Variants in GGA1 observed in about 807,000 individuals in gnomAD.
GGA1 encodes the protein golgi associated, gamma adaptin ear containing, ARF binding protein 1, also known as ADP-ribosylation factor-binding protein GGA1.
Under a neutral mutation model 76.9 loss-of-function variants are expected in GGA1, and 18 were observed. That is an observed-to-expected ratio of 0.23 (90% confidence interval 0.16 to 0.35). The LOEUF (loss-of-function observed/expected upper bound fraction) is 0.35. Among genes scored for constraint, GGA1 ranks in the 10% least tolerant of loss-of-function variants. GGA1 has a pLI of 1.00. For missense variants in GGA1, 755 were observed against 859.0 expected (o/e 0.88, Z 1.51); for synonymous variants, 342 against 354.7 (o/e 0.96, Z 0.40).
At chr22:37,622,687 A>C (rs901214074) in intron 7 of GGA1, among the ~76,000 whole-genome samples, 6 of 152,222 alleles carry the variant, frequency 3.9e-5, no homozygotes, top group African/African-American at 1.4e-4. Context: ...GTGCTGAAAA[A>C]AAAGTTTCAA....
Position 37,633,021 on chromosome 22 carries a change from T to G in GGA1, c.*310T>G, listed in dbSNP as rs2146021185. On this transcript the variant is annotated 3_prime_UTR_variant, in exon 17 of 17. Coordinates refer to ENST00000343632, the MANE Select transcript of GGA1 (RefSeq NM_013365.5). ...GGGTCATGGGGAGGAAGCACAGCTG[T>G]TGGGGAAGGGCCAGGACCTCAGGCC... 2 of 363,016 alleles carry G rather than the reference T, an allele frequency of 5.5e-6. No individual in the cohort carries two copies. Among genetic ancestry groups the G allele is most frequent in the East Asian group, 1.1e-4 (2 of 18,724 alleles). 22.5% of individuals were successfully genotyped at this position (363,016 alleles called of 1,614,324 possible). A position where few individuals can be genotyped will look rare whatever the true frequency, so the allele number is the denominator to read the frequency against.
chr22:37,622,320 A>G (rs566652467), intron 7 of GGA1, among the ~76,000 whole-genome samples: 197 of 151,312 alleles, frequency 1.3e-3, no homozygotes, highest in African/African-American at 4.5e-3. Context: ...GGCTCAAGCA[A>G]TCTGCCTGCC....
rs900788421 is a variant in GGA1 at position 37,632,776 on chromosome 22, T to C, written c.*65T>C. ...TCACTGTCCAGCCTGGAGGGAGGCA[T>C]TGGTGGCCAAGGACACCCTTTGTTG... On this transcript the variant is annotated 3_prime_UTR_variant, in exon 17 of 17. Coordinates refer to ENST00000343632, the MANE Select transcript of GGA1 (RefSeq NM_013365.5). This position sits in a 1 kb window ranked among gnomAD's most constrained non-coding sequence, Gnocchi z 5.1. 2.0e-6 allele frequency: 2 copies of C among 996,504 alleles called. No homozygotes were observed. The highest frequency in any genetic ancestry group is 1.6e-5 in the African/African-American group (1 of 62,354). The allele number at this position is 996,504 out of a possible 1,614,324, so 61.7% of individuals were successfully genotyped here.
chr22:37,617,672 C>G (rs536601732), intron 3 of GGA1: 156 of 624,082 alleles, frequency 2.5e-4, no homozygotes, highest in Non-Finnish European at 3.0e-4. Flanking sequence ...GTACTCCAGA[C>G]TGGACAACAG....
At chr22:37,620,150 TG>T in intron 4 of GGA1, 87 bp from the exon 5 acceptor site, 1 of 1,487,672 alleles carries the variant, frequency 6.7e-7, no homozygotes, top group Non-Finnish European at 9.4e-7. Context: ...CGGGGAGTCC[TG>T]GGGAGGCAGT....
At chr22:37,629,772 A>G (rs1262923510) in intron 12 of GGA1, among the ~76,000 whole-genome samples, 1 of 152,198 alleles carries the variant, frequency 6.6e-6, no homozygotes, top group African/African-American at 2.4e-5. Context: ...TGAGATGGGC[A>G]ATCCCTCTTC....
intron 12 of GGA1, 40 bp downstream of exon 12, chr22:37,629,566 C>A: frequency 3.1e-6 from 4 of 1,305,980 alleles, no homozygotes; most frequent in Non-Finnish European, 4.3e-6. Context: ...TGTCCCAGTC[C>A]CAGGGTCAGG....
At chr22:37,615,342 G>A (rs1025724675) in intron 2 of GGA1, among the ~76,000 whole-genome samples, 2 of 151,594 alleles carry the variant, frequency 1.3e-5, no homozygotes, top group East Asian at 2.0e-4. Flanking sequence ...CCAGCTACTC[G>A]GGAGGCTGAG....
At position 37,625,969 on chromosome 22, in the gene GGA1, T is replaced by G; in HGVS notation, c.1093+20T>G. On this transcript the variant is annotated intron_variant, in intron 11 of 16. Coordinates refer to ENST00000343632, the MANE Select transcript of GGA1 (RefSeq NM_013365.5). The surrounding 1 kb of genome is among the most constrained non-coding windows in gnomAD (Gnocchi z 4.1). ...CTCTGGGTGAGGAAGGGGCCAGGCC[T>G]GGAGGAGGGCGGGCTCAGCAGCAGA... 6.4e-7 allele frequency: 1 copy of G among 1,559,330 alleles called. No individual in the cohort carries two copies. Among genetic ancestry groups the G allele is most frequent in the African/African-American group, 1.3e-5 (1 of 74,188 alleles).
intron 1 of GGA1, chr22:37,609,432 C>T: frequency 1.6e-6 from 1 of 630,110 alleles, no homozygotes; most frequent in Non-Finnish European, 2.1e-6. Flanking sequence ...TCCCGCCGCT[C>T]CTAGTCTCTA....
chr22:37,614,616 T>C (rs1003732036), intron 2 of GGA1, among the ~76,000 whole-genome samples: 1 of 152,222 alleles, frequency 6.6e-6, no homozygotes, highest in African/African-American at 2.4e-5. Flanking sequence ...GAACTGCATG[T>C]TCCCCAATTG....
In GGA1 at chr22:37,632,164, A is replaced by G; in HGVS notation, c.1697A>G (p.Lys566Arg). Residue 566 changes from lysine (K) to arginine (R), a missense_variant and splice_region_variant, in exon 15 of 17, where the codon AAG becomes AGG. By Grantham distance (26) the Lys-to-Arg change is conservative (BLOSUM62 2). Coordinates refer to ENST00000343632, the MANE Select transcript of GGA1 (RefSeq NM_013365.5). The surrounding 1 kb of genome is among the most constrained non-coding windows in gnomAD (Gnocchi z 5.1). ...RNIVFQSAVPKVMKVKLQPPS... is the reference protein window; with the variant it reads ...RNIVFQSAVPRVMKVKLQPPS... ...ATCGTGTTCCAGTCAGCTGTCCCCA[A>G]GGTGACAAGCCAGTCGGACAGGGCA... 2 of 1,608,394 alleles carry G rather than the reference A, an allele frequency of 1.2e-6. No individual in the cohort carries two copies. The highest frequency in any genetic ancestry group is 1.3e-5 in the African/African-American group (1 of 74,984).
chr22:37,609,368 C>T lies in GGA1; in HGVS notation c.43+465C>T, dbSNP rs1052032772. On this transcript the variant is annotated intron_variant, in intron 1 of 16. Transcript: ENST00000343632. ...CGTTCCTGGAGCCCGCAAGTAGTCA[C>T]ATTTGCTCATTACCCCGTCCTGGAA... The T allele has an allele frequency of 3.7e-6, 4 of 1,082,194 alleles. No individual in the cohort carries two copies. In the African/African-American group the frequency reaches 5.2e-5, roughly 14 times the overall value. The allele number at this position is 1,082,194 out of a possible 1,614,324, so 67.0% of individuals were successfully genotyped here.
chr22:37,619,372 C>T lies in GGA1; in HGVS notation c.303+826C>T, dbSNP rs574369328. 3.1e-3 allele frequency among the ~76,000 whole-genome samples: 453 copies of T among 146,970 alleles called. 3 individuals are homozygous for T. Among genetic ancestry groups the T allele is most frequent in the Non-Finnish European group, 4.8e-3 (325 of 67,136 alleles). ...GAGCCACCATGCCCGGCCTACCTAC[C>T]GTGAACATTTTTTTTTTTTTTTTGA... On this transcript the variant is annotated intron_variant, in intron 4 of 16. Coordinates refer to ENST00000343632, the MANE Select transcript of GGA1 (RefSeq NM_013365.5).
In GGA1 at chr22:37,624,870, C is replaced by G; in HGVS notation, c.833-99C>G. 2 of 1,481,394 alleles carry G rather than the reference C, an allele frequency of 1.4e-6. No homozygotes were observed. Among genetic ancestry groups the G allele is most frequent in the Admixed American group, 4.2e-5 (2 of 47,538 alleles). The allele number at this position is 1,481,394 out of a possible 1,614,324, so 91.8% of individuals were successfully genotyped here. A position where few individuals can be genotyped will look rare whatever the true frequency, so the allele number is the denominator to read the frequency against. On this transcript the variant is annotated intron_variant, in intron 9 of 16. Coordinates refer to ENST00000343632, the MANE Select transcript of GGA1 (RefSeq NM_013365.5). The surrounding 1 kb of genome is among the most constrained non-coding windows in gnomAD (Gnocchi z 4.3). ...TGTTTCCCTGCCCCTTTCCCTTCCC[C>G]TCACACACAGGCTGTGATGGATGTG...
At chr22:37,631,925 G>A in intron 14 of GGA1, 71 bp from the exon 15 acceptor site, 1 of 1,390,788 alleles carries the variant, frequency 7.2e-7, no homozygotes, top group Non-Finnish European at 9.9e-7. Context: ...AGGCCAGCCG[G>A]GTGGGGGCTG....
At chr22:37,615,934 A>G (rs112121519) in intron 2 of GGA1, among the ~76,000 whole-genome samples, 5,454 of 150,296 alleles carry the variant, frequency 0.036, 315 homozygotes, top group African/African-American at 0.12. Flanking sequence ...TCCGCCTCCC[A>G]GGTTCACGCG....
chr22:37,618,593 G>A (rs777204118), intron 4 of GGA1, 47 bp downstream of exon 4: 2 of 1,160,860 alleles, frequency 1.7e-6, no homozygotes, highest in Admixed American at 3.4e-5. Context: ...CGGATGTGGG[G>A]AGAGGAAAGA....
rs1930598256 is a variant in GGA1 at position 37,625,217 on chromosome 22, G to A, written c.940+141G>A. ...CCCTTAAGATGGGGAAGGCCCCAGG[G>A]AGGGAGCTGGGGGTGAAGTCTGTGC... On this transcript the variant is annotated intron_variant, in intron 10 of 16. Coordinates refer to ENST00000343632, the MANE Select transcript of GGA1 (RefSeq NM_013365.5). The surrounding 1 kb of genome is among the most constrained non-coding windows in gnomAD (Gnocchi z 4.1). The A allele has an allele frequency of 6.8e-6, 5 of 733,072 alleles. No individual in the cohort carries two copies. The South Asian group carries it at 8.6e-5, about 13-fold the overall frequency. 45.4% of individuals were successfully genotyped at this position (733,072 alleles called of 1,614,324 possible).
Sources: gnomAD v4.1 joint callset for allele counts (sites outside exome capture counted in the v4.1 genomes callset) on GRCh38, gnomAD v4.1.1 for gene constraint, Gnocchi (gnomAD v3.1) non-coding constraint, MANE v1.5 for transcripts, NCBI Gene and HGNC (gene_info 2026-07-23, HGNC 2026-07-21) for gene names.